ADAMTS6: variants seen among roughly 807,000 people sequenced by gnomAD.
The protein encoded by ADAMTS6 is ADAM metallopeptidase with thrombospondin type 1 motif 6.
ADAMTS6 carries 23 observed loss-of-function variants against 144.3 expected under a neutral mutation model. The observed-to-expected ratio is 0.16, with a 90% confidence interval of 0.11 to 0.23. ADAMTS6 has a LOEUF of 0.23. Ranked by LOEUF, ADAMTS6 falls within the 10% of genes least tolerant of loss-of-function variation. The probability of loss-of-function intolerance (pLI) is 1.00; values close to 1 mark genes in which losing one functional copy is unlikely to be tolerated. For synonymous variants in ADAMTS6, 444 were observed against 457.5 expected (o/e 0.97, Z 0.38); for missense variants, 999 against 1,379.6 (o/e 0.72, Z 4.37).
intron 7 of ADAMTS6, among the ~76,000 whole-genome samples, chr5:65,387,452 C>T (rs1224984921): frequency 6.6e-6 from 1 of 152,114 alleles, no homozygotes; most frequent in African/African-American, 2.4e-5. Flanking sequence ...TATAGTGTGC[C>T]TTTTAAATTA....
intron 7 of ADAMTS6, among the ~76,000 whole-genome samples, chr5:65,352,134 T>C (rs960844888): frequency 3.4e-5 from 5 of 148,170 alleles, no homozygotes; most frequent in Admixed American, 2.1e-4. Context: ...CAGGCACTGA[T>C]ACTGCCCTCT....
rs1215861643 is a variant in ADAMTS6, at chr5:65,150,713, C to T, written c.*1123G>A. On this transcript the variant is annotated 3_prime_UTR_variant, in exon 25 of 25. Coordinates refer to ENST00000381055, the MANE Select transcript of ADAMTS6 (RefSeq NM_197941.4). ...AAAAGCGCCCGCAAACACACACACACATTTGCTCTCATATAAATAAATGCC... is the reference window on the plus strand; with the variant it reads ...AAAAGCGCCCGCAAACACACACACATATTTGCTCTCATATAAATAAATGCC... 2.6e-5 allele frequency: 4 copies of T among 152,644 alleles called. No individual in the cohort carries two copies. Among genetic ancestry groups the T allele is most frequent in the Non-Finnish European group, 4.4e-5 (3 of 68,040 alleles). 9.5% of individuals were successfully genotyped at this position (152,644 alleles called of 1,614,324 possible). A position where few individuals can be genotyped will look rare whatever the true frequency, so the allele number is the denominator to read the frequency against.
intron 4 of ADAMTS6, among the ~76,000 whole-genome samples, chr5:65,459,789 C>T (rs1445976169): frequency 3.9e-5 from 6 of 152,148 alleles, no homozygotes; most frequent in Non-Finnish European, 8.8e-5. Context: ...TATCTTAAGA[C>T]TCTTCAAGTC....
intron 17 of ADAMTS6, 37 bp downstream of exon 17, chr5:65,224,887 C>A (rs765529918): frequency 1.9e-6 from 3 of 1,587,152 alleles, no homozygotes; most frequent in Non-Finnish European, 2.6e-6. Flanking sequence ...TCCAAGTACA[C>A]CAGAGGTGTG....
rs554292237 is a variant in ADAMTS6, at chr5:65,403,839, T to C, written c.1073+47636A>G. ...ACGTACCTTATTCCATATTTCTTTA[T>C]CTTTCTTTTCACCTGTGTCCCCTAG... On this transcript the variant is annotated intron_variant, in intron 7 of 24. Transcript: ENST00000381055. 1.1e-3 allele frequency among the ~76,000 whole-genome samples: 171 copies of C among 152,254 alleles called. 1 individual carries two copies. The highest frequency in any genetic ancestry group is 2.2e-3 in the Non-Finnish European group (149 of 67,994).
chr5:65,249,496 A>C (rs1442829765), intron 14 of ADAMTS6, among the ~76,000 whole-genome samples: 2 of 152,120 alleles, frequency 1.3e-5, no homozygotes, highest in South Asian at 2.1e-4. Flanking sequence ...ACTGCACTTG[A>C]CCTTGGTGCA....
rs1160790085 is a variant in ADAMTS6 at position 65,480,118 on chromosome 5, GAA to G, written c.-280+1223_-280+1224del. Among the ~76,000 whole-genome samples, 4 of 151,932 alleles carry G rather than the reference GAA, an allele frequency of 2.6e-5. No homozygotes were observed. The East Asian group carries it at 7.7e-4, about 29-fold the overall frequency. ...CGTTTCTTTTCCTGTCATGAATTCT[GAA>G]AACTGTCATCCCCACATCTAAACAT... On this transcript the variant is annotated intron_variant, in intron 1 of 24. Coordinates refer to ENST00000381055, the MANE Select transcript of ADAMTS6 (RefSeq NM_197941.4).
chr5:65,209,997 T>C, intron 20 of ADAMTS6: 1 of 192,684 alleles, frequency 5.2e-6, no homozygotes. Context: ...ATTTGTCAGA[T>C]TGCTTATGCC....
chr5:65,343,691 C>T (rs1020224693), intron 7 of ADAMTS6, among the ~76,000 whole-genome samples: 2 of 151,966 alleles, frequency 1.3e-5, no homozygotes, highest in Non-Finnish European at 2.9e-5. Flanking sequence ...CAAAAATAAA[C>T]AAATGGAACT....
intron 20 of ADAMTS6, among the ~76,000 whole-genome samples, chr5:65,203,085 G>A (rs1755844242): frequency 6.6e-6 from 1 of 152,118 alleles, no homozygotes; most frequent in East Asian, 1.9e-4. Context: ...CTTTTCATTT[G>A]GTTTTGCAGT....
rs572172857 is a variant in ADAMTS6, at chr5:65,322,050, G to GT, written c.1223+7327dup. Among the ~76,000 whole-genome samples the GT allele has an allele frequency of 3.5e-3, 529 of 152,148 alleles. 1 individual carries two copies. Among genetic ancestry groups the GT allele is most frequent in the South Asian group, 9.6e-3 (46 of 4,810 alleles). On this transcript the variant is annotated intron_variant, in intron 9 of 24. Transcript: ENST00000381055. The stretch of plus-strand genomic sequence containing the variant: ...TCTTGAGTTAATTTTTGTGTATGGT[G>GT]TACAGAAGGGGTCCAGTTTCAATCT...
intron 7 of ADAMTS6, chr5:65,415,583 GATCT>G (rs1755439278): frequency 2.7e-6 from 1 of 374,272 alleles, no homozygotes; most frequent in East Asian, 7.8e-5. Context: ...CCCTGGAGGA[GATCT>G]ATCTCTTCTT....
At position 65,403,731 on chromosome 5, in the gene ADAMTS6, G is replaced by T. The variant is rs918834831; in HGVS notation, c.1073+47744C>A. ...AGACATCAAGTTACCACGTAAAAAA[G>T]TTACATGTAAAATAGCAATTCCCAC... is the stretch of plus-strand genomic sequence containing the variant. On this transcript the variant is annotated intron_variant, in intron 7 of 24. Coordinates refer to ENST00000381055, the MANE Select transcript of ADAMTS6 (RefSeq NM_197941.4). 4.9e-4 allele frequency among the ~76,000 whole-genome samples: 75 copies of T among 152,146 alleles called. 1 individual carries two copies. The highest frequency in any genetic ancestry group is 3.0e-3 in the Admixed American group (46 of 15,254).
intron 11 of ADAMTS6, among the ~76,000 whole-genome samples, chr5:65,280,587 G>T (rs1445175117): frequency 1.3e-5 from 2 of 152,092 alleles, no homozygotes; most frequent in African/African-American, 2.4e-5. Flanking sequence ...ATTCACACAT[G>T]AAAAAAACAA....
chr5:65,286,677 G>C (rs1403917072), intron 11 of ADAMTS6, among the ~76,000 whole-genome samples: 1 of 152,112 alleles, frequency 6.6e-6, no homozygotes, highest in Non-Finnish European at 1.5e-5. Flanking sequence ...GAACCATTAA[G>C]TGTACTGGAA....
At chr5:65,207,727 A>G (rs1331879648) in intron 20 of ADAMTS6, among the ~76,000 whole-genome samples, 2 of 152,272 alleles carry the variant, frequency 1.3e-5, no homozygotes. Flanking sequence ...AATTTAAAAG[A>G]AAACAAATTG....
At position 65,217,071 on chromosome 5, in the gene ADAMTS6, G is replaced by A. The variant is rs529309043; in HGVS notation, c.2273-1584C>T. Among the ~76,000 whole-genome samples the A allele has an allele frequency of 2.6e-5, 4 of 152,116 alleles. No homozygotes were observed. The South Asian group carries it at 8.3e-4, about 32-fold the overall frequency. ...CATTGTCATCTCCCGACCCCCATTT[G>A]CCTGGCAAAAATATTTGTAGTTTCT... On this transcript the variant is annotated intron_variant, in intron 18 of 24. Transcript: ENST00000381055.
intron 13 of ADAMTS6, 118 bp from the exon 14 acceptor site, chr5:65,260,781 T>A (rs1761131739): frequency 1.5e-6 from 1 of 663,494 alleles, no homozygotes; most frequent in Non-Finnish European, 2.5e-6. Context: ...TCATTTGACA[T>A]GTTTTAATTA....
intron 7 of ADAMTS6, among the ~76,000 whole-genome samples, chr5:65,383,380 A>G (rs950193677): frequency 7.2e-5 from 11 of 152,156 alleles, no homozygotes; most frequent in Non-Finnish European, 1.3e-4. Flanking sequence ...CCAAAATACA[A>G]TGGTGGGTCA....
Sources: gnomAD v4.1 joint callset for allele counts (sites outside exome capture counted in the v4.1 genomes callset) on GRCh38, gnomAD v4.1.1 for gene constraint, MANE v1.5 for transcripts, NCBI Gene and HGNC (gene_info 2026-07-23, HGNC 2026-07-21) for gene names.